The following KCNJ6 variants were observed in gnomAD, a reference collection of about 807,000 sequenced individuals.
KCNJ6 encodes the protein G protein-activated inward rectifier potassium channel 2.
In KCNJ6, 9 loss-of-function variants were observed where a neutral mutation model predicts 34.2. The ratio of observed to expected loss-of-function variants is 0.26; its 90% confidence interval spans 0.16 to 0.46. The LOEUF (loss-of-function observed/expected upper bound fraction) is 0.46. Among genes scored for constraint, KCNJ6 ranks in the 20% least tolerant of loss-of-function variants. The pLI is 1.00. For synonymous variants in KCNJ6, 196 were observed against 207.1 expected, an observed-to-expected ratio of 0.95 and a Z score of 0.46; for missense variants, 236 against 531.3, an observed-to-expected ratio of 0.44 and a Z score of 5.46.
At chr21:37,825,045 T>A (rs1049597910) in intron 2 of KCNJ6, among the ~76,000 whole-genome samples, 2 of 152,114 alleles carry the variant, frequency 1.3e-5, no homozygotes, top group African/African-American at 2.4e-5. Context: ...TGTGGTCAAA[T>A]CTCTCTCTGC....
chr21:37,683,086 A>T (rs1423561325), intron 3 of KCNJ6, among the ~76,000 whole-genome samples: 2 of 152,228 alleles, frequency 1.3e-5, no homozygotes, highest in African/African-American at 4.8e-5. Flanking sequence ...CAAGCGAGGG[A>T]AGCATTCCTG....
chr21:37,899,102 T>C (rs867871760), intron 1 of KCNJ6, among the ~76,000 whole-genome samples: 2 of 152,228 alleles, frequency 1.3e-5, no homozygotes. Context: ...TTAATAAGTA[T>C]ACTTTTCTCA....
chr21:37,738,367 C>G (rs1340507374), intron 2 of KCNJ6, among the ~76,000 whole-genome samples: 2 of 152,172 alleles, frequency 1.3e-5, no homozygotes, highest in African/African-American at 4.8e-5. Context: ...ATTGGCAAAG[C>G]CTGTGTGCTT....
intron 2 of KCNJ6, among the ~76,000 whole-genome samples, chr21:37,801,282 C>A (rs531994009): frequency 6.6e-6 from 1 of 152,258 alleles, no homozygotes; most frequent in African/African-American, 2.4e-5. Flanking sequence ...TTTGGAGCAT[C>A]CACTGTGTGC....
intron 1 of KCNJ6, among the ~76,000 whole-genome samples, chr21:37,915,019 CTATTAAGA>C (rs1358917945): frequency 6.6e-6 from 1 of 151,078 alleles, no homozygotes; most frequent in Non-Finnish European, 1.5e-5. Flanking sequence ...GTGGCTGTTT[CTATTAAGA>C]TATATTTTCC....
intron 2 of KCNJ6, among the ~76,000 whole-genome samples, chr21:37,715,766 T>C (rs1033317331): frequency 3.3e-5 from 5 of 152,062 alleles, no homozygotes; most frequent in African/African-American, 1.2e-4. Context: ...GGAAAAGCCA[T>C]ATGAGACACA....
intron 2 of KCNJ6, among the ~76,000 whole-genome samples, chr21:37,786,082 G>A (rs1267423458): frequency 6.6e-6 from 1 of 152,214 alleles, no homozygotes; most frequent in African/African-American, 2.4e-5. Flanking sequence ...GGCCTGATGA[G>A]GCCTGATCTG....
intron 2 of KCNJ6, among the ~76,000 whole-genome samples, chr21:37,754,715 T>C (rs1455182556): frequency 6.6e-6 from 1 of 152,164 alleles, no homozygotes; most frequent in African/African-American, 2.4e-5. Flanking sequence ...TATGTTGCTG[T>C]TGGGTGAGGT....
At chr21:37,866,266 C>T (rs1488830890) in intron 1 of KCNJ6, among the ~76,000 whole-genome samples, 1 of 152,180 alleles carries the variant, frequency 6.6e-6, no homozygotes, top group Non-Finnish European at 1.5e-5. Flanking sequence ...TCAGCCCTCA[C>T]AATTACATAA....
intron 2 of KCNJ6, among the ~76,000 whole-genome samples, chr21:37,766,301 T>G (rs2123499718): frequency 6.6e-6 from 1 of 152,240 alleles, no homozygotes; most frequent in African/African-American, 2.4e-5. Flanking sequence ...AAATATCCAC[T>G]CCAGAGTCCT....
intron 3 of KCNJ6, among the ~76,000 whole-genome samples, chr21:37,642,118 C>T (rs147919931): frequency 4.0e-4 from 61 of 152,226 alleles, no homozygotes; most frequent in African/African-American, 1.3e-3. Context: ...AGCAGGCCAT[C>T]GGGATAACCA....
chr21:37,703,331 G>GGT (rs1393221464), intron 3 of KCNJ6, among the ~76,000 whole-genome samples: 1 of 151,852 alleles, frequency 6.6e-6, no homozygotes, highest in Non-Finnish European at 1.5e-5. Flanking sequence ...GAGAGGCCCA[G>GGT]GTGTGTGGCA....
intron 2 of KCNJ6, among the ~76,000 whole-genome samples, chr21:37,749,903 G>A (rs1471524869): frequency 1.3e-5 from 2 of 152,134 alleles, no homozygotes; most frequent in Admixed American, 6.5e-5. Context: ...AGCCTGCCTT[G>A]CACCGTCGCC....
At chr21:37,791,583 C>T (rs1271188529) in intron 2 of KCNJ6, among the ~76,000 whole-genome samples, 1 of 152,196 alleles carries the variant, frequency 6.6e-6, no homozygotes, top group Non-Finnish European at 1.5e-5. Context: ...AACCAGCGTA[C>T]ATAAAAGAAA....
chr21:37,663,791 C>G (rs556311111), intron 3 of KCNJ6, among the ~76,000 whole-genome samples: 1 of 152,264 alleles, frequency 6.6e-6, no homozygotes, highest in East Asian at 1.9e-4. Flanking sequence ...ACAGCTCTAT[C>G]AGTAATTGAA....
At chr21:37,681,571 T>A (rs932649643) in intron 3 of KCNJ6, among the ~76,000 whole-genome samples, 12 of 76,228 alleles carry the variant, frequency 1.6e-4, no homozygotes, top group Non-Finnish European at 3.0e-4. Context: ...CACATGCTTG[T>A]TGGTTTCACT....
At chr21:37,703,356 G>A (rs1192824802) in intron 3 of KCNJ6, among the ~76,000 whole-genome samples, 1 of 151,710 alleles carries the variant, frequency 6.6e-6, no homozygotes, top group African/African-American at 2.4e-5. Context: ...TGGGAAAGAG[G>A]GAGAGGCCCA....
chr21:37,716,999 TGAATAAGAACATAGCC>T (rs2054795183), intron 2 of KCNJ6: 1 of 154,394 alleles, frequency 6.5e-6, no homozygotes, highest in South Asian at 2.0e-4. Flanking sequence ...ATCATTTATC[TGAATAAGAACATAGCC>T]GGAGATGGGA....
chr21:37,637,843 C>T (rs981024816), intron 3 of KCNJ6, among the ~76,000 whole-genome samples: 2 of 152,166 alleles, frequency 1.3e-5, no homozygotes, highest in East Asian at 1.9e-4. Context: ...CAGAAGAGGC[C>T]GTGTGAGGAC....
Sources: gnomAD v4.1 joint callset for allele counts (sites outside exome capture counted in the v4.1 genomes callset) on GRCh38, gnomAD v4.1.1 for gene constraint, MANE v1.5 for transcripts, NCBI Gene and HGNC (gene_info 2026-07-23, HGNC 2026-07-21) for gene names.